The following UTRN variants were observed in gnomAD, a reference collection of about 807,000 sequenced individuals.
UTRN encodes dystrophin-related protein 1.
A neutral mutation model predicts 463.9 loss-of-function variants in UTRN; 283 were observed. The observed-to-expected ratio is 0.61, with a 90% confidence interval of 0.55 to 0.67. The LOEUF is 0.67. Ranked by LOEUF, UTRN falls within the 30% of genes least tolerant of loss-of-function variation. The pLI, the probability that UTRN is intolerant of heterozygous loss-of-function variation, is 0.00. For missense variants in UTRN, 3,922 were observed against 4,084.3 expected (o/e 0.96, Z 1.08); for synonymous variants, 1,442 against 1,431.5 (o/e 1.01, Z -0.17).
rs187171739 is a variant in UTRN, at chr6:144,744,298, G to A, written c.7940-3948G>A. On this transcript the variant is annotated intron_variant, in intron 54 of 74. Transcript: ENST00000367545. ...CAAGACCCTGACTAAAAAAAAAATG[G>A]TGTATACATATATATATATATATGT... Among the ~76,000 whole-genome samples the A allele has an allele frequency of 8.0e-5, 11 of 138,014 alleles. No homozygotes were observed. In the East Asian group the frequency reaches 2.3e-3, roughly 28 times the overall value. 90.5% of individuals were successfully genotyped at this position (138,014 alleles called of 152,430 possible).
At chr6:144,474,039 T>A (rs1790936760) in intron 24 of UTRN, among the ~76,000 whole-genome samples, 1 of 151,918 alleles carries the variant, frequency 6.6e-6, no homozygotes, top group Non-Finnish European at 1.5e-5. Flanking sequence ...GGTTATAGAA[T>A]TTTGAGAGGT....
chr6:144,555,030 G>C (rs967486133), intron 49 of UTRN, 137 bp downstream of exon 49: 3 of 1,094,148 alleles, frequency 2.7e-6, no homozygotes, highest in Non-Finnish European at 3.8e-6. Flanking sequence ...AAATTTATAT[G>C]AAGAATTTGA....
intron 1 of UTRN, 76 bp from the exon 2 acceptor site, chr6:144,291,661 G>A (rs1343752400): frequency 1.9e-5 from 9 of 469,764 alleles, no homozygotes; most frequent in African/African-American, 1.6e-4. Context: ...TTTGGTGAAT[G>A]AATAGTTACT....
At chr6:144,538,144 A>T (rs1797690605) in intron 44 of UTRN, among the ~76,000 whole-genome samples, 1 of 152,172 alleles carries the variant, frequency 6.6e-6, no homozygotes, top group Non-Finnish European at 1.5e-5. Flanking sequence ...AGCTTGCAAT[A>T]GGTTTAGTGT....
chr6:144,470,628 G>A (rs569325844), intron 23 of UTRN, among the ~76,000 whole-genome samples: 6 of 152,176 alleles, frequency 3.9e-5, no homozygotes, highest in South Asian at 2.1e-4. Context: ...ACGGGGTGGC[G>A]GCCGGGCAGA....
At chr6:144,517,361 T>C (rs920560841) in intron 39 of UTRN, among the ~76,000 whole-genome samples, 1 of 151,694 alleles carries the variant, frequency 6.6e-6, no homozygotes. Flanking sequence ...TATTTCTTTA[T>C]ATTTTTCTTT....
rs531624972 is a variant in UTRN at position 144,579,099 on chromosome 6, T to G, written c.7479+1811T>G. Reference sequence around the variant, plus strand: ...AGATTCATTTGTTGAAAATTTCTGTTTAAATACATTGCTGCTTCTATCTTA... The same window carrying G: ...AGATTCATTTGTTGAAAATTTCTGTGTAAATACATTGCTGCTTCTATCTTA... On this transcript the variant is annotated intron_variant, in intron 51 of 74. Transcript: ENST00000367545. Among the ~76,000 whole-genome samples, 9 of 152,352 alleles carry G rather than the reference T, an allele frequency of 5.9e-5. No individual in the cohort carries two copies. In the East Asian group the frequency reaches 1.3e-3, roughly 23 times the overall value.
At chr6:144,294,865 G>A (rs1308666766) in intron 2 of UTRN, among the ~76,000 whole-genome samples, 7 of 152,094 alleles carry the variant, frequency 4.6e-5, no homozygotes, top group Admixed American at 2.6e-4. Context: ...TCAAGGGTAC[G>A]TAATGAAGTA....
chr6:144,499,849 T>G (rs981650926), intron 34 of UTRN, among the ~76,000 whole-genome samples: 2 of 152,190 alleles, frequency 1.3e-5, no homozygotes, highest in Non-Finnish European at 2.9e-5. Flanking sequence ...CCCCCACTTG[T>G]AAGCGAGAAC....
intron 32 of UTRN, among the ~76,000 whole-genome samples, chr6:144,493,053 T>A (rs951133762): frequency 6.6e-6 from 1 of 152,194 alleles, no homozygotes; most frequent in African/African-American, 2.4e-5. Context: ...TCATAAGCAT[T>A]TGTCTGAGAT....
chr6:144,624,053 A>G (rs770138958), intron 51 of UTRN, among the ~76,000 whole-genome samples: 1 of 152,146 alleles, frequency 6.6e-6, no homozygotes, highest in Non-Finnish European at 1.5e-5. Flanking sequence ...CTGGGTTCCT[A>G]AAGGTAGAAA....
chr6:144,634,376 G>T (rs985363549), intron 51 of UTRN, among the ~76,000 whole-genome samples: 2 of 152,126 alleles, frequency 1.3e-5, no homozygotes, highest in Non-Finnish European at 2.9e-5. Flanking sequence ...CCTGGTTAGC[G>T]TTGCCATGTG....
chr6:144,479,121 T>G (rs1223960308), intron 25 of UTRN, among the ~76,000 whole-genome samples: 2 of 146,828 alleles, frequency 1.4e-5, no homozygotes, highest in African/African-American at 5.1e-5. Context: ...GGGGTTTTTT[T>G]TTTTTTTTTT....
chr6:144,428,234 G>A (rs527785476), intron 7 of UTRN, among the ~76,000 whole-genome samples: 2 of 152,278 alleles, frequency 1.3e-5, no homozygotes, highest in East Asian at 3.9e-4. Flanking sequence ...GGGGATTGGA[G>A]GGAAACTCTT....
In UTRN at chr6:144,695,429, C is replaced by T. The variant is rs557399505; in HGVS notation, c.7653-4658C>T. On this transcript the variant is annotated intron_variant, in intron 52 of 74. Transcript: ENST00000367545. ...CATGATCTCAGCTCATTGCAACCTCCGCCTCCTGGGTTCAAGCGATTCTCC... is the reference window on the plus strand; with the variant it reads ...CATGATCTCAGCTCATTGCAACCTCTGCCTCCTGGGTTCAAGCGATTCTCC... Among the ~76,000 whole-genome samples the T allele has an allele frequency of 2.0e-5, 3 of 151,736 alleles. 1 individual carries two copies. The highest frequency in any genetic ancestry group is 7.3e-5 in the African/African-American group (3 of 41,274).
At chr6:144,463,986 A>G (rs1406273595) in intron 23 of UTRN, among the ~76,000 whole-genome samples, 1 of 151,224 alleles carries the variant, frequency 6.6e-6, no homozygotes, top group East Asian at 1.9e-4. Flanking sequence ...ATATATGTAG[A>G]TACAATATAT....
In UTRN at chr6:144,743,287, A is replaced by G. The variant is rs188851718; in HGVS notation, c.7940-4959A>G. On this transcript the variant is annotated intron_variant, in intron 54 of 74. Coordinates refer to ENST00000367545, the MANE Select transcript of UTRN (RefSeq NM_007124.3). ...CAAATGTTGATATCATAATTGAGAAAAAAACACCATACATATGGGAAATGT... is the reference window on the plus strand; with the variant it reads ...CAAATGTTGATATCATAATTGAGAAGAAAACACCATACATATGGGAAATGT... Among the ~76,000 whole-genome samples the G allele has an allele frequency of 3.9e-5, 6 of 152,364 alleles. No individual in the cohort carries two copies. The East Asian group carries it at 1.2e-3, about 29-fold the overall frequency.
chr6:144,675,162 T>A (rs1161533460), intron 51 of UTRN, among the ~76,000 whole-genome samples: 1 of 152,180 alleles, frequency 6.6e-6, no homozygotes, highest in African/African-American at 2.4e-5. Context: ...CTTGATGTAG[T>A]GGTCTCCCCC....
intron 49 of UTRN, 54 bp from the exon 50 acceptor site, chr6:144,557,103 A>G: frequency 6.3e-7 from 1 of 1,576,002 alleles, no homozygotes; most frequent in South Asian, 1.2e-5. Flanking sequence ...TGTTTTGATT[A>G]TACTAATTAC....
Sources: gnomAD v4.1 joint callset for allele counts (sites outside exome capture counted in the v4.1 genomes callset) on GRCh38, gnomAD v4.1.1 for gene constraint, MANE v1.5 for transcripts, NCBI Gene and HGNC (gene_info 2026-07-23, HGNC 2026-07-21) for gene names.